Variants in TXLNG observed in about 807,000 individuals in gnomAD.
TXLNG encodes gamma-taxilin.
In TXLNG, 5 loss-of-function variants were observed where a neutral mutation model predicts 38.8. That is an observed-to-expected ratio of 0.13 (90% CI 0.07 to 0.27). TXLNG has a LOEUF of 0.27. Ranked by LOEUF, TXLNG falls within the 10% of genes least tolerant of loss-of-function variation. The pLI is 1.00. For synonymous variants in TXLNG, 182 were observed against 158.2 expected (o/e 1.15, Z -1.13); for missense variants, 393 against 398.2 (o/e 0.99, Z 0.11).
At chrX:16,829,436 T>A (rs1929294177) in intron 4 of TXLNG, 140 bp from the exon 5 acceptor site, 4 of 561,281 alleles carry the variant, frequency 7.1e-6, no homozygotes, top group Admixed American at 8.0e-5. Flanking sequence ...AGCCTTCTGG[T>A]CATAAATAAG....
chrX:16,823,257 G>A (rs1364804663), intron 3 of TXLNG, among the ~76,000 whole-genome samples: 6 of 109,338 alleles, frequency 5.5e-5, no homozygotes, highest in African/African-American at 1.3e-4. Context: ...TCGGGAGTTC[G>A]AGACCAGCCT....
intron 1 of TXLNG, among the ~76,000 whole-genome samples, chrX:16,804,685 C>G (rs1187972978): frequency 9.1e-6 from 1 of 110,487 alleles, no homozygotes; most frequent in Non-Finnish European, 1.9e-5. Flanking sequence ...AACTGTGTCT[C>G]TGGCTCATCT....
intron 9 of TXLNG, among the ~76,000 whole-genome samples, chrX:16,840,910 C>T (rs1028467639): frequency 1.8e-5 from 2 of 110,668 alleles, no homozygotes; most frequent in African/African-American, 6.6e-5. Context: ...TAGGAAATGT[C>T]TTAAAAAGTT....
At chrX:16,823,458 C>CAAA (rs11311011) in intron 3 of TXLNG, among the ~76,000 whole-genome samples, 1 of 24,959 alleles carries the variant, frequency 4.0e-5, no homozygotes. Flanking sequence ...AACTCTGTCT[C>CAAA]AAAAAAAAAA....
Position 16,843,788 on chromosome X carries a change from T to C in TXLNG, c.*2022T>C, listed in dbSNP as rs1271971950. ...ACTTGGCCTGCTGCTTTTGGCTTACTTTGTATTTTTAGCTAGATGCTATTA... is the reference window on the plus strand; with the variant it reads ...ACTTGGCCTGCTGCTTTTGGCTTACCTTGTATTTTTAGCTAGATGCTATTA... On this transcript the variant is annotated 3_prime_UTR_variant, in exon 10 of 10. Coordinates refer to ENST00000380122, the MANE Select transcript of TXLNG (RefSeq NM_018360.3). The C allele has an allele frequency of 8.9e-6, 1 of 112,031 alleles. No homozygotes were observed. Among genetic ancestry groups the C allele is most frequent in the Non-Finnish European group, 1.9e-5 (1 of 53,271 alleles). The allele number at this position is 112,031 out of a possible 1,213,427, so 9.2% of individuals were successfully genotyped here.
intron 1 of TXLNG, among the ~76,000 whole-genome samples, chrX:16,816,907 G>C (rs953519401): frequency 1.8e-5 from 2 of 112,110 alleles, no homozygotes; most frequent in Non-Finnish European, 3.8e-5. Flanking sequence ...TTCACAAAGT[G>C]AATGTGTCAC....
At position 16,817,608 on chromosome X, in the gene TXLNG, CAG is replaced by C. The variant is rs571380255; in HGVS notation, c.103-961_103-960del. Among the ~76,000 whole-genome samples the C allele has an allele frequency of 5.4e-5, 6 of 111,996 alleles. No individual in the cohort carries two copies. The South Asian group carries it at 2.2e-3, about 41-fold the overall frequency. On this transcript the variant is annotated intron_variant, in intron 1 of 9. Coordinates refer to ENST00000380122, the MANE Select transcript of TXLNG (RefSeq NM_018360.3). ...GAAAAGGAAGAGGCCCTCTTTCATACAGAGAGTAAATGCACAGAATTTAAATT... is the reference window on the plus strand; with the variant it reads ...GAAAAGGAAGAGGCCCTCTTTCATACAGAGTAAATGCACAGAATTTAAATT...
chrX:16,834,378 A>G (rs773421809), intron 7 of TXLNG, 21 bp downstream of exon 7: 65 of 1,154,965 alleles, frequency 5.6e-5, no homozygotes, highest in Non-Finnish European at 7.5e-5. Context: ...AGCAGGGGAT[A>G]GTACAATTTG....
At chrX:16,840,047 C>T (rs1006007283) in intron 9 of TXLNG, 131 bp downstream of exon 9, 22 of 458,653 alleles carry the variant, frequency 4.8e-5, no homozygotes, top group South Asian at 1.3e-4. Flanking sequence ...CGCGTTGGGG[C>T]GGGGGTGGGG....
chrX:16,840,498 GCA>G (rs1340160836), intron 9 of TXLNG: 1 of 746,808 alleles, frequency 1.3e-6, no homozygotes, highest in East Asian at 1.5e-4. Context: ...TCTCGGCTGG[GCA>G]CAGTGGCTCA....
At chrX:16,788,643 T>TA (rs1460010027) in intron 1 of TXLNG, among the ~76,000 whole-genome samples, 1 of 103,056 alleles carries the variant, frequency 9.7e-6, no homozygotes, top group Non-Finnish European at 2.0e-5. Context: ...CCCTGTCTCT[T>TA]AAAAAAACAA....
At chrX:16,793,111 AAG>A (rs1927761640) in intron 1 of TXLNG, among the ~76,000 whole-genome samples, 4 of 109,039 alleles carry the variant, frequency 3.7e-5, no homozygotes, top group Non-Finnish European at 3.8e-5. Context: ...AAAAAAAAAA[AAG>A]TATACAATAA....
Position 16,841,637 on chromosome X carries a change from C to G in TXLNG, c.1458C>G (p.His486Gln), listed in dbSNP as rs781174938. Reference protein sequence around the residue: ...VMQPCTALDSHKELNTSSKRA... With the variant: ...VMQPCTALDSQKELNTSSKRA... ...AGCCCTGTACTGCCCTGGATTCTCA[C>G]AAGGAGCTGAACACTTCCTCGAAAA... Residue 486 changes from histidine to glutamine, a missense_variant, in exon 10 of 10, where the codon CAC becomes CAG. Transcript: ENST00000380122. 4 of 1,209,709 alleles carry G rather than the reference C, an allele frequency of 3.3e-6. No individual in the cohort carries two copies. In the South Asian group the frequency reaches 7.0e-5, roughly 21 times the overall value.
At chrX:16,815,885 A>G (rs1298006103) in intron 1 of TXLNG, among the ~76,000 whole-genome samples, 6 of 107,869 alleles carry the variant, frequency 5.6e-5, no homozygotes, top group Admixed American at 2.0e-4. Context: ...TTCCCTTTCT[A>G]TTGCTTTTGT....
intron 3 of TXLNG, among the ~76,000 whole-genome samples, chrX:16,824,115 G>A (rs1929082528): frequency 8.9e-6 from 1 of 112,146 alleles, no homozygotes; most frequent in Admixed American, 9.5e-5. Flanking sequence ...CAGCCCTGTA[G>A]CATCTGCACT....
At chrX:16,805,842 C>A (rs1406164858) in intron 1 of TXLNG, among the ~76,000 whole-genome samples, 8 of 112,384 alleles carry the variant, frequency 7.1e-5, no homozygotes, top group African/African-American at 2.6e-4. Context: ...ATACCAAAAT[C>A]TAATTATATA....
At chrX:16,803,029 A>G (rs1407402717) in intron 1 of TXLNG, among the ~76,000 whole-genome samples, 3 of 110,130 alleles carry the variant, frequency 2.7e-5, no homozygotes, top group Non-Finnish European at 3.8e-5. Context: ...CATCTTGGCC[A>G]GGCTGGTCTT....
At chrX:16,833,038 G>C (rs1929470429) in intron 6 of TXLNG, among the ~76,000 whole-genome samples, 1 of 112,043 alleles carries the variant, frequency 8.9e-6, no homozygotes, top group South Asian at 3.7e-4. Context: ...TCTGTGCTTA[G>C]AATATTTAGT....
chrX:16,820,055 G>A, intron 2 of TXLNG, 109 bp from the exon 3 acceptor site: 3 of 563,511 alleles, frequency 5.3e-6, no homozygotes, highest in Non-Finnish European at 8.5e-6. Flanking sequence ...AATCATAGGT[G>A]TAAATTAGTT....
Sources: gnomAD v4.1 joint callset for allele counts (sites outside exome capture counted in the v4.1 genomes callset) on GRCh38, gnomAD v4.1.1 for gene constraint, MANE v1.5 for transcripts, NCBI Gene and HGNC (gene_info 2026-07-23, HGNC 2026-07-21) for gene names.